Variants in GABRG3 observed in about 807,000 individuals in gnomAD.
GABRG3 encodes the protein gamma-aminobutyric acid type A receptor subunit gamma3, also known as gamma-aminobutyric acid receptor subunit gamma-3.
A neutral mutation model predicts 48.8 loss-of-function variants in GABRG3; 25 were observed. That is an observed-to-expected ratio of 0.51 (90% confidence interval 0.37 to 0.72). The LOEUF (loss-of-function observed/expected upper bound fraction) is 0.72. Ranked by LOEUF, GABRG3 falls within the 30% of genes least tolerant of loss-of-function variation. The pLI is 0.00. For missense variants in GABRG3, 394 were observed against 577.9 expected, an observed-to-expected ratio of 0.68 and a Z score of 3.26; for synonymous variants, 227 against 217.6, an observed-to-expected ratio of 1.04 and a Z score of -0.38.
At chr15:27,427,935 T>A (rs548464935) in intron 5 of GABRG3, 1 of 152,308 alleles carries the variant, frequency 6.6e-6, no homozygotes, top group Non-Finnish European at 1.5e-5. Context: ...CAGGCTGGAG[T>A]GCAGTGGTGC....
intron 3 of GABRG3, among the ~76,000 whole-genome samples, chr15:27,271,846 C>T (rs537890381): frequency 3.5e-4 from 54 of 152,216 alleles, no homozygotes; most frequent in Non-Finnish European, 6.9e-4. Context: ...ATGCTAACTA[C>T]TGTTGAGGTT....
chr15:27,075,535 G>T (rs1054691457), intron 3 of GABRG3, among the ~76,000 whole-genome samples: 1 of 152,160 alleles, frequency 6.6e-6, no homozygotes, highest in Admixed American at 6.5e-5. Flanking sequence ...TGTACATTCG[G>T]CAGAGAACTC....
chr15:27,262,057 T>A (rs777314596), intron 3 of GABRG3, among the ~76,000 whole-genome samples: 1 of 152,148 alleles, frequency 6.6e-6, no homozygotes, highest in Non-Finnish European at 1.5e-5. Context: ...TCTCTCAAAT[T>A]CTTTCCCTTC....
chr15:27,287,658 T>G (rs1891658602), intron 3 of GABRG3, among the ~76,000 whole-genome samples: 1 of 152,154 alleles, frequency 6.6e-6, no homozygotes, highest in African/African-American at 2.4e-5. Flanking sequence ...CTGACAGCCT[T>G]TCTCCTTTAT....
At chr15:27,195,579 C>G (rs186587900) in intron 3 of GABRG3, among the ~76,000 whole-genome samples, 2 of 152,178 alleles carry the variant, frequency 1.3e-5, no homozygotes, top group African/African-American at 4.8e-5. Flanking sequence ...ATCTGCCCGC[C>G]TTGGCCTCCC....
At chr15:27,311,754 C>A (rs1279617733) in intron 3 of GABRG3, among the ~76,000 whole-genome samples, 1 of 151,970 alleles carries the variant, frequency 6.6e-6, no homozygotes, top group African/African-American at 2.4e-5. Context: ...ACAGTATATT[C>A]TAGATGCCTA....
At chr15:27,143,140 A>G (rs1000961570) in intron 3 of GABRG3, among the ~76,000 whole-genome samples, 1 of 152,194 alleles carries the variant, frequency 6.6e-6, no homozygotes, top group African/African-American at 2.4e-5. Flanking sequence ...GTGCAGTAGC[A>G]TAATCATAGC....
intron 7 of GABRG3, among the ~76,000 whole-genome samples, chr15:27,526,095 C>T (rs779846868): frequency 6.6e-6 from 1 of 152,158 alleles, no homozygotes; most frequent in South Asian, 2.1e-4. Context: ...TCTATTTTCA[C>T]TGCACAAGTT....
intron 3 of GABRG3, among the ~76,000 whole-genome samples, chr15:27,064,519 G>T (rs1050812552): frequency 4.6e-5 from 7 of 152,160 alleles, no homozygotes; most frequent in Non-Finnish European, 8.8e-5. Flanking sequence ...GGGTGGTCTT[G>T]TTGAGGGGTT....
At chr15:27,397,970 A>G (rs1051720492) in intron 5 of GABRG3, among the ~76,000 whole-genome samples, 1 of 151,606 alleles carries the variant, frequency 6.6e-6, no homozygotes, top group African/African-American at 2.4e-5. Flanking sequence ...ACGCCCGGCT[A>G]AATTTTTGTA....
chr15:27,026,033 A>C (rs909090796), intron 2 of GABRG3, among the ~76,000 whole-genome samples: 2 of 152,336 alleles, frequency 1.3e-5, no homozygotes, highest in Non-Finnish European at 1.5e-5. Flanking sequence ...GGTTTCCCTT[A>C]AAGCCAAGTG....
intron 3 of GABRG3, among the ~76,000 whole-genome samples, chr15:27,313,228 G>A (rs12902049): frequency 0.036 from 2,574 of 70,586 alleles, 50 homozygotes; most frequent in Middle Eastern, 0.082. Flanking sequence ...ATATATATAC[G>A]TATATGTATA....
intron 3 of GABRG3, among the ~76,000 whole-genome samples, chr15:27,267,754 CAA>C (rs1273383027): frequency 1.3e-5 from 2 of 152,036 alleles, no homozygotes; most frequent in South Asian, 2.1e-4. Context: ...TGAATTTTGA[CAA>C]ATTATTTTTC....
At chr15:27,185,685 A>C (rs987377547) in intron 3 of GABRG3, among the ~76,000 whole-genome samples, 10 of 151,976 alleles carry the variant, frequency 6.6e-5, no homozygotes, top group African/African-American at 2.2e-4. Flanking sequence ...CAGGCCTATT[A>C]GTTTTTGCTT....
chr15:27,305,037 T>C (rs969671662), intron 3 of GABRG3, among the ~76,000 whole-genome samples: 5 of 151,926 alleles, frequency 3.3e-5, no homozygotes, highest in African/African-American at 1.2e-4. Flanking sequence ...TTACTTTAGG[T>C]GTCACAACTA....
chr15:27,307,721 A>ATGTT (rs1315431557), intron 3 of GABRG3, among the ~76,000 whole-genome samples: 6 of 132,226 alleles, frequency 4.5e-5, no homozygotes, highest in African/African-American at 1.6e-4. Flanking sequence ...CTATAGGTTT[A>ATGTT]TATATAAATA....
intron 5 of GABRG3, among the ~76,000 whole-genome samples, chr15:27,402,065 G>A (rs1253822738): frequency 1.3e-5 from 2 of 152,194 alleles, no homozygotes; most frequent in Non-Finnish European, 2.9e-5. Context: ...ACAGAAAAAG[G>A]GCAATGCTTC....
chr15:27,111,505 G>C (rs1897548663), intron 3 of GABRG3, among the ~76,000 whole-genome samples: 1 of 152,150 alleles, frequency 6.6e-6, no homozygotes, highest in Admixed American at 6.5e-5. Flanking sequence ...TAGGCCTGTA[G>C]GGTGAGGTTT....
At chr15:27,431,608 A>G (rs1417571349) in intron 5 of GABRG3, among the ~76,000 whole-genome samples, 1 of 152,178 alleles carries the variant, frequency 6.6e-6, no homozygotes, top group Admixed American at 6.6e-5. Flanking sequence ...GGAAGGGGGA[A>G]GGATTCCGTT....
Sources: allele counts gnomAD v4.1 joint callset (sites outside exome capture counted in the v4.1 genomes callset), GRCh38; gene constraint gnomAD v4.1.1; transcripts MANE v1.5; gene names NCBI Gene and HGNC (gene_info 2026-07-23, HGNC 2026-07-21).